Variants in HFM1 observed in about 807,000 individuals in gnomAD.
HFM1 encodes the protein helicase for meiosis 1, also known as probable ATP-dependent DNA helicase HFM1.
In HFM1, 169 loss-of-function variants were observed where a neutral mutation model predicts 192.1. The ratio of observed to expected loss-of-function variants is 0.88; its 90% CI spans 0.78 to 1.00. The LOEUF is 1.00. HFM1 is among the 50% of genes least tolerant of loss of function. HFM1 has a pLI of 0.00. For missense variants in HFM1, 1,661 were observed against 1,668.0 expected (o/e 1.00, Z 0.07); for synonymous variants, 525 against 537.8 (o/e 0.98, Z 0.33).
Position 91,364,607 on chromosome 1 carries a change from CATAT to C in HFM1, c.1685+10747_1685+10750del, listed in dbSNP as rs202070365. 4.0e-4 allele frequency among the ~76,000 whole-genome samples: 39 copies of C among 97,908 alleles called. 1 individual carries two copies. Among genetic ancestry groups the C allele is most frequent in the Middle Eastern group, 5.6e-3 (1 of 178 alleles). The allele number at this position is 97,908 out of a possible 152,430, so 64.2% of individuals were successfully genotyped here. A position where few individuals can be genotyped will look rare whatever the true frequency, so the allele number is the denominator to read the frequency against. On this transcript the variant is annotated intron_variant, in intron 13 of 38. Coordinates refer to ENST00000370425, the MANE Select transcript of HFM1 (RefSeq NM_001017975.6). ...GTGTGTATATATACATATACATATA[CATAT>C]ATATATATATATATATATATATTTT... is the stretch of plus-strand genomic sequence containing the variant.
At chr1:91,285,283 A>C (rs1667850941) in intron 30 of HFM1, among the ~76,000 whole-genome samples, 4 of 152,182 alleles carry the variant, frequency 2.6e-5, no homozygotes. Flanking sequence ...TATATTCCCT[A>C]AGGTGCATGT....
At chr1:91,301,077 C>T (rs1228279498) in intron 30 of HFM1, among the ~76,000 whole-genome samples, 2 of 152,244 alleles carry the variant, frequency 1.3e-5, no homozygotes, top group Non-Finnish European at 2.9e-5. Flanking sequence ...GATAGGCAAC[C>T]TCAGCAAAGT....
intron 4 of HFM1, among the ~76,000 whole-genome samples, chr1:91,389,095 T>C (rs1236610847): frequency 1.3e-5 from 2 of 151,602 alleles, no homozygotes; most frequent in Non-Finnish European, 2.9e-5. Context: ...CAGATTCATA[T>C]GTTGAGGCCC....
intron 20 of HFM1, among the ~76,000 whole-genome samples, chr1:91,333,213 A>G (rs1195887399): frequency 6.6e-6 from 1 of 152,226 alleles, no homozygotes; most frequent in Non-Finnish European, 1.5e-5. Context: ...GTGTCCATCA[A>G]CAGATGAATG....
At chr1:91,294,644 T>C (rs1178382503) in intron 30 of HFM1, among the ~76,000 whole-genome samples, 1 of 152,218 alleles carries the variant, frequency 6.6e-6, no homozygotes, top group Non-Finnish European at 1.5e-5. Flanking sequence ...AGATCTATAG[T>C]CTGCAAACCA....
intron 28 of HFM1, among the ~76,000 whole-genome samples, chr1:91,314,636 T>C (rs1308341197): frequency 6.6e-6 from 1 of 152,186 alleles, no homozygotes; most frequent in Non-Finnish European, 1.5e-5. Flanking sequence ...TTTGTATCAA[T>C]AACACATGAG....
intron 30 of HFM1, among the ~76,000 whole-genome samples, chr1:91,297,385 A>C (rs1161995565): frequency 1.3e-5 from 2 of 152,230 alleles, no homozygotes; most frequent in African/African-American, 4.8e-5. Flanking sequence ...GCCAAACAAA[A>C]GGCAGCAGAA....
chr1:91,403,053 T>A (rs963757684), intron 1 of HFM1, among the ~76,000 whole-genome samples: 1 of 446 alleles, frequency 2.2e-3, no homozygotes, highest in African/African-American at 2.9e-3. Flanking sequence ...TATATACTCC[T>A]GTGAAAAAAC....
intron 13 of HFM1, 40 bp downstream of exon 13, chr1:91,375,317 TA>T (rs764778725): frequency 3.4e-6 from 5 of 1,476,386 alleles, no homozygotes; most frequent in Non-Finnish European, 4.7e-6. Flanking sequence ...AGATGAGCCC[TA>T]AAAGTCCTTC....
intron 30 of HFM1, among the ~76,000 whole-genome samples, chr1:91,282,794 T>C (rs1238516769): frequency 6.6e-6 from 1 of 152,182 alleles, no homozygotes; most frequent in Non-Finnish European, 1.5e-5. Flanking sequence ...GCTTTGCAAG[T>C]TGCTGTTTTA....
intron 27 of HFM1, 60 bp downstream of exon 27, chr1:91,316,041 T>G: frequency 6.8e-7 from 1 of 1,461,918 alleles, no homozygotes; most frequent in East Asian, 2.3e-5. Flanking sequence ...TGAAGCCTAT[T>G]TATAGGTAGC....
At chr1:91,291,541 G>A (rs922883925) in intron 30 of HFM1, among the ~76,000 whole-genome samples, 1 of 152,146 alleles carries the variant, frequency 6.6e-6, no homozygotes, top group African/African-American at 2.4e-5. Context: ...AACAGGAGCT[G>A]AAATTGTGGC....
chr1:91,281,681 C>T (rs943192363), intron 30 of HFM1, among the ~76,000 whole-genome samples: 4 of 152,140 alleles, frequency 2.6e-5, no homozygotes, highest in African/African-American at 9.7e-5. Context: ...TTTGGCTGGG[C>T]ATAGAACATA....
At chr1:91,277,619 AC>A (rs1314904889) in intron 30 of HFM1, among the ~76,000 whole-genome samples, 3 of 128,684 alleles carry the variant, frequency 2.3e-5, no homozygotes, top group African/African-American at 8.8e-5. Context: ...TATACTATAT[AC>A]TAATATATAT....
chr1:91,353,122 T>C lies in HFM1; in HGVS notation c.1760A>G (p.His587Arg), dbSNP rs779471164. Residue 587 changes from histidine to arginine, a missense_variant, in exon 15 of 39, where the codon CAT becomes CGT. Coordinates refer to ENST00000370425, the MANE Select transcript of HFM1 (RefSeq NM_001017975.6). ...TCTATCTGACAGCTCCATACCAGCATGATGATAAGCAGCACCATCTTTTAA... is the reference window on the plus strand; with the variant it reads ...TCTATCTGACAGCTCCATACCAGCACGATGATAAGCAGCACCATCTTTTAA... ...DILKDGAAYH[H>R]AGMELSDRKV... 4.0e-5 allele frequency: 64 copies of C among 1,610,968 alleles called. No homozygotes were observed. Among genetic ancestry groups the C allele is most frequent in the Non-Finnish European group, 5.2e-5 (61 of 1,177,884 alleles).
At position 91,401,020 on chromosome 1, in the gene HFM1, T is replaced by G; in HGVS notation, c.63A>C (p.Glu21Asp). 1.3e-6 allele frequency: 2 copies of G among 1,513,862 alleles called. No individual in the cohort carries two copies. Among genetic ancestry groups the G allele is most frequent in the Non-Finnish European group, 1.8e-6 (2 of 1,117,030 alleles). The allele number at this position is 1,513,862 out of a possible 1,614,324, so 93.8% of individuals were successfully genotyped here. Residue 21 changes from glutamate (E) to aspartate (D), a missense_variant, in exon 2 of 39, where the codon GAA becomes GAC. Transcript: ENST00000370425. ...CTTTAAGGGAGACTTACTTTTCAACTTCATCTGGTTTTTCAAAAAACAAAT... is the reference window on the plus strand; with the variant it reads ...CTTTAAGGGAGACTTACTTTTCAACGTCATCTGGTTTTTCAAAAAACAAAT... The part of the protein sequence containing the change: ...LENLFFEKPD[E>D]VENHPDNEKS...
At chr1:91,374,607 A>G (rs560272142) in intron 13 of HFM1, among the ~76,000 whole-genome samples, 1 of 152,288 alleles carries the variant, frequency 6.6e-6, no homozygotes, top group South Asian at 2.1e-4. Flanking sequence ...TTCTGCTATG[A>G]GTAACTAAGG....
At chr1:91,264,989 T>C (rs1416988664) in intron 36 of HFM1, among the ~76,000 whole-genome samples, 2 of 152,212 alleles carry the variant, frequency 1.3e-5, no homozygotes, top group Non-Finnish European at 2.9e-5. Flanking sequence ...GAATCTGCTC[T>C]ATTTCTGAAA....
rs774267429 is a variant in HFM1 at position 91,396,428 on chromosome 1, A to AG, written c.72-24dup. 4 of 1,187,566 alleles carry AG rather than the reference A, an allele frequency of 3.4e-6. No homozygotes were observed. In the Admixed American group the frequency reaches 6.0e-5, roughly 18 times the overall value. The allele number at this position is 1,187,566 out of a possible 1,614,324, so 73.6% of individuals were successfully genotyped here. ...TGGCTATATAAAATATAAAAATGTG[A>AG]GTATATATGTTAATAAAGATATAAC... On this transcript the variant is annotated intron_variant, in intron 2 of 38. Coordinates refer to ENST00000370425, the MANE Select transcript of HFM1 (RefSeq NM_001017975.6).
Sources: gnomAD v4.1 joint callset for allele counts (sites outside exome capture counted in the v4.1 genomes callset) on GRCh38, gnomAD v4.1.1 for gene constraint, MANE v1.5 for transcripts, NCBI Gene and HGNC (gene_info 2026-07-23, HGNC 2026-07-21) for gene names.